The following SLC35F3 variants were observed in gnomAD, a reference collection of about 807,000 sequenced individuals.
The protein encoded by SLC35F3 is putative thiamine transporter SLC35F3.
In SLC35F3, 25 loss-of-function variants were observed where a neutral mutation model predicts 49.9. The observed-to-expected ratio is 0.50, with a 90% CI of 0.37 to 0.70. The LOEUF is 0.70. Among genes scored for constraint, SLC35F3 ranks in the 30% least tolerant of loss-of-function variants. The pLI, the probability that SLC35F3 is intolerant of heterozygous loss-of-function variation, is 0.00. For missense variants in SLC35F3, 525 were observed against 639.8 expected (o/e 0.82, Z 1.94); for synonymous variants, 275 against 265.4 (o/e 1.04, Z -0.35).
chr1:234,214,375 C>A lies in SLC35F3; in HGVS notation c.284-17042C>A. ...CCGGGGAGGCCGGGACTGAGAGGGG[C>A]GAGCCGCTGGTGCTCCCCGGCGGCA... On this transcript the variant is annotated intron_variant, in intron 2 of 7. Coordinates refer to ENST00000366618, the MANE Select transcript of SLC35F3 (RefSeq NM_173508.4). This position sits in a 1 kb window ranked among gnomAD's most constrained non-coding sequence, Gnocchi z 8.0. 2.2e-6 allele frequency: 3 copies of A among 1,356,282 alleles called. 1 individual carries two copies. The South Asian group carries it at 5.6e-5, about 25-fold the overall frequency. The allele number at this position is 1,356,282 out of a possible 1,614,324, so 84.0% of individuals were successfully genotyped here.
At chr1:234,212,705 T>G (rs1667060954) in intron 2 of SLC35F3, 1 of 152,260 alleles carries the variant, frequency 6.6e-6, no homozygotes, top group African/African-American at 2.4e-5. Flanking sequence ...TATTATGTGA[T>G]ATTTGTTTTA....
chr1:234,069,170 TATA>T (rs1448654343), intron 2 of SLC35F3, among the ~76,000 whole-genome samples: 2 of 136,796 alleles, frequency 1.5e-5, no homozygotes, highest in Non-Finnish European at 1.5e-5. Flanking sequence ...TAATATATAA[TATA>T]ATATATAAAA....
At chr1:234,105,251 G>A (rs1665268694) in intron 2 of SLC35F3, among the ~76,000 whole-genome samples, 2 of 152,280 alleles carry the variant, frequency 1.3e-5, no homozygotes, top group Admixed American at 6.5e-5. Flanking sequence ...TGTCCAAGGA[G>A]GATAACTGGG....
At position 234,313,154 on chromosome 1, in the gene SLC35F3, G is replaced by C. The variant is rs185945706; in HGVS notation, c.829-3448G>C. On this transcript the variant is annotated intron_variant, in intron 4 of 7. Coordinates refer to ENST00000366618, the MANE Select transcript of SLC35F3 (RefSeq NM_173508.4). ...AGCCTCCCAAAGCACTGGGATTACAGGTGTGAACCACCGCGCCAGGCCTTG... is the reference window on the plus strand; with the variant it reads ...AGCCTCCCAAAGCACTGGGATTACACGTGTGAACCACCGCGCCAGGCCTTG... 7.4e-4 allele frequency among the ~76,000 whole-genome samples: 113 copies of C among 152,296 alleles called. No homozygotes were observed. The East Asian group carries it at 0.018, about 24-fold the overall frequency.
At chr1:233,992,553 A>G (rs916491228) in intron 2 of SLC35F3, among the ~76,000 whole-genome samples, 2 of 152,192 alleles carry the variant, frequency 1.3e-5, no homozygotes, top group African/African-American at 4.8e-5. Context: ...CTTGCAAAAG[A>G]GAGAACTCAC....
Position 234,108,418 on chromosome 1 carries a change from T to A in SLC35F3, c.284-122999T>A, listed in dbSNP as rs1213306559. On this transcript the variant is annotated intron_variant, in intron 2 of 7. Coordinates refer to ENST00000366618, the MANE Select transcript of SLC35F3 (RefSeq NM_173508.4). ...ATATATTTATATATATGATATATAT[T>A]ATTTATATATAAAAGATATATATAA... 8.0e-5 allele frequency among the ~76,000 whole-genome samples: 9 copies of A among 113,170 alleles called. No individual in the cohort carries two copies. The East Asian group carries it at 2.5e-3, about 32-fold the overall frequency. The allele number at this position is 113,170 out of a possible 152,430, so 74.2% of individuals were successfully genotyped here.
At chr1:234,253,310 G>A (rs1449662390) in intron 3 of SLC35F3, among the ~76,000 whole-genome samples, 2 of 150,330 alleles carry the variant, frequency 1.3e-5, no homozygotes, top group African/African-American at 4.9e-5. Context: ...TGGGCAACAA[G>A]AGCAAAAAAA....
At chr1:234,017,193 G>A (rs12131508) in intron 2 of SLC35F3, among the ~76,000 whole-genome samples, 19,942 of 152,050 alleles carry the variant, frequency 0.13, 1,617 homozygotes, top group Non-Finnish European at 0.18. Flanking sequence ...TTTTTAAGCT[G>A]CCAACACCAA....
chr1:233,991,474 GAA>G (rs1022526648), intron 2 of SLC35F3, among the ~76,000 whole-genome samples: 2 of 151,680 alleles, frequency 1.3e-5, no homozygotes, highest in Non-Finnish European at 2.9e-5. Flanking sequence ...AAAGAAAAAA[GAA>G]AAAAAACTAG....
chr1:234,020,712 T>C (rs61822043), intron 2 of SLC35F3, among the ~76,000 whole-genome samples: 178 of 152,148 alleles, frequency 1.2e-3, no homozygotes, highest in Non-Finnish European at 1.3e-3. Flanking sequence ...TGTGTGTGAA[T>C]TACTATTTTT....
At chr1:234,225,961 A>T (rs1667279631) in intron 2 of SLC35F3, among the ~76,000 whole-genome samples, 1 of 152,238 alleles carries the variant, frequency 6.6e-6, no homozygotes, top group Non-Finnish European at 1.5e-5. Flanking sequence ...AATGTTCAGG[A>T]TATGCAAATT....
chr1:233,978,358 T>A lies in SLC35F3; in HGVS notation c.283+72600T>A, dbSNP rs191503608. 4.1e-3 allele frequency among the ~76,000 whole-genome samples: 619 copies of A among 152,336 alleles called. 5 individuals carry two copies. The highest frequency in any genetic ancestry group is 0.014 in the African/African-American group (595 of 41,568). ...GATTCAATTGCATTGATTTCTTATT[T>A]TACAAAGAAGACTTCTTAAAGGCGT... On this transcript the variant is annotated intron_variant, in intron 2 of 7. Transcript: ENST00000366618.
chr1:233,984,998 A>G (rs998334602), intron 2 of SLC35F3, among the ~76,000 whole-genome samples: 7 of 147,160 alleles, frequency 4.8e-5, no homozygotes, highest in Non-Finnish European at 9.1e-5. Context: ...ATTTTCCTTT[A>G]TTTTCATGCA....
intron 2 of SLC35F3, among the ~76,000 whole-genome samples, chr1:233,965,550 A>G (rs1040092038): frequency 6.6e-6 from 1 of 152,190 alleles, no homozygotes; most frequent in Non-Finnish European, 1.5e-5. Context: ...TGAGGAAGCT[A>G]TGTGGCATGG....
chr1:234,306,118 G>A (rs926962249), intron 3 of SLC35F3, among the ~76,000 whole-genome samples: 1 of 152,286 alleles, frequency 6.6e-6, no homozygotes, highest in African/African-American at 2.4e-5. Context: ...AATCAAGGAC[G>A]TACATGGGCC....
chr1:233,940,594 C>T (rs555439858), intron 2 of SLC35F3, among the ~76,000 whole-genome samples: 1 of 152,336 alleles, frequency 6.6e-6, no homozygotes, highest in South Asian at 2.1e-4. Context: ...TCATTTGTTA[C>T]TCACCTGACA....
rs1667092702 is a variant in SLC35F3, at chr1:234,214,592, C to A, written c.284-16825C>A. On this transcript the variant is annotated intron_variant, in intron 2 of 7. Transcript: ENST00000366618. This position sits in a 1 kb window ranked among gnomAD's most constrained non-coding sequence, Gnocchi z 8.0. ...AGTGGAAGGTAATGCGCGGCCGCCTCGCCCCGGGGGTCCCTGCACCCTAGC... is the reference window on the plus strand; with the variant it reads ...AGTGGAAGGTAATGCGCGGCCGCCTAGCCCCGGGGGTCCCTGCACCCTAGC... The A allele has an allele frequency of 1.3e-6, 2 of 1,527,210 alleles. No individual in the cohort carries two copies. Among genetic ancestry groups the A allele is most frequent in the East Asian group, 2.7e-5 (1 of 37,026 alleles). 94.6% of individuals were successfully genotyped at this position (1,527,210 alleles called of 1,614,324 possible).
intron 2 of SLC35F3, among the ~76,000 whole-genome samples, chr1:234,085,972 A>C (rs1664953959): frequency 6.6e-6 from 1 of 152,256 alleles, no homozygotes; most frequent in South Asian, 2.1e-4. Context: ...TGTCAAAAAT[A>C]GTCAAATATC....
At chr1:234,001,735 A>G (rs1482965020) in intron 2 of SLC35F3, among the ~76,000 whole-genome samples, 1 of 152,210 alleles carries the variant, frequency 6.6e-6, no homozygotes, top group Non-Finnish European at 1.5e-5. Context: ...AAAAGACTTT[A>G]GCAAGGAAGA....
Sources: gnomAD v4.1 joint callset for allele counts (sites outside exome capture counted in the v4.1 genomes callset) on GRCh38, gnomAD v4.1.1 for gene constraint, Gnocchi (gnomAD v3.1) non-coding constraint, MANE v1.5 for transcripts, NCBI Gene and HGNC (gene_info 2026-07-23, HGNC 2026-07-21) for gene names.